Variants in GPR89A observed in about 807,000 individuals in gnomAD.
The protein encoded by GPR89A is G protein-coupled receptor 89A.
In GPR89A, 16 loss-of-function variants were observed where a neutral mutation model predicts 52.0. The observed-to-expected ratio is 0.31, with a 90% CI of 0.21 to 0.47. GPR89A has a LOEUF of 0.47. GPR89A is among the 20% of genes least tolerant of loss of function. The pLI is 1.00. For synonymous variants in GPR89A, 55 were observed against 150.9 expected (o/e 0.36, Z 4.66); for missense variants, 135 against 449.4 (o/e 0.30, Z 6.33).
intron 10 of GPR89A, among the ~76,000 whole-genome samples, chr1:145,662,019 T>C (rs201890879): frequency 2.5e-4 from 38 of 151,258 alleles, no homozygotes; most frequent in East Asian, 8.0e-4. Flanking sequence ...ATCTTTTAAA[T>C]TATTGACTTG....
intron 10 of GPR89A, among the ~76,000 whole-genome samples, chr1:145,647,871 CTCTCTCTCTATATATATATA>C (rs1651148539): frequency 1.4e-3 from 127 of 88,404 alleles, no homozygotes; most frequent in Non-Finnish European, 2.5e-3. Flanking sequence ...CTCTCTCTCT[CTCTCTCTCTATATATATATA>C]TATATATATA....
intron 10 of GPR89A, among the ~76,000 whole-genome samples, chr1:145,647,921 C>T (rs1297058563): frequency 4.4e-5 from 5 of 113,296 alleles, no homozygotes; most frequent in Non-Finnish European, 8.9e-5. Context: ...AGAATGTGAA[C>T]ATTTCTTATT....
intron 10 of GPR89A, among the ~76,000 whole-genome samples, chr1:145,648,054 CAATA>C (rs1179651758): frequency 7.0e-6 from 1 of 142,196 alleles, no homozygotes; most frequent in African/African-American, 2.6e-5. Flanking sequence ...ATTAAGTTCA[CAATA>C]AATTCTAAAA....
intron 10 of GPR89A, among the ~76,000 whole-genome samples, chr1:145,662,206 T>C (rs1652250058): frequency 6.6e-6 from 1 of 152,166 alleles, no homozygotes; most frequent in Admixed American, 6.6e-5. Context: ...ATCCAGCTAT[T>C]GTGGATTTGT....
chr1:145,660,877 C>G (rs1652146293), intron 10 of GPR89A, among the ~76,000 whole-genome samples: 1 of 151,528 alleles, frequency 6.6e-6, no homozygotes, highest in Non-Finnish European at 1.5e-5. Flanking sequence ...ACTAGTTCAA[C>G]CCTTGTGGAA....
rs201192903 is a variant in GPR89A at position 145,623,159 on chromosome 1, A to G, written c.312A>G (p.Leu104=). 5 of 1,613,082 alleles carry G rather than the reference A, an allele frequency of 3.1e-6. No homozygotes were observed. Among genetic ancestry groups the G allele is most frequent in the Non-Finnish European group, 4.2e-6 (5 of 1,179,404 alleles). ...IGYFIVSNIR[L]LHKQRLLFSC... ...ATTTTATTGTGAGCAATATCCGACT[A>G]CGTAAGTATTTTACCCTCTCAGTCA... Residue 104 remains leucine (L), a splice_region_variant and synonymous_variant, in exon 4 of 14, where the codon CTA becomes CTG. Transcript: ENST00000313835.
At chr1:145,655,265 G>C in intron 10 of GPR89A, among the ~76,000 whole-genome samples, 1 of 152,266 alleles carries the variant, frequency 6.6e-6, no homozygotes, top group Non-Finnish European at 1.5e-5. Flanking sequence ...AGCAATGTTT[G>C]TTACTGCCCA....
rs1460295591 is a variant in GPR89A, at chr1:145,608,159, T to C, written c.26T>C (p.Ile9Thr). ...ATGAGTTTCCTCATCGACTCCAGCA[T>C]CATGATTACCTCCCAGGTGAGTCAC... MSFLIDSSIMITSQILFFG... is the reference protein window; with the variant it reads MSFLIDSSTMITSQILFFG... Residue 9 changes from isoleucine (I) to threonine (T), a missense_variant, in exon 1 of 14, where the codon ATC (isoleucine) becomes ACC (threonine). Physicochemically the swap from Ile to Thr is moderately conservative, Grantham distance 89. This residue lies in a region of GPR89A where 38 missense variants were observed against 40.2 expected (regional missense o/e 0.95). Transcript: ENST00000313835. The C allele has an allele frequency of 5.6e-6, 9 of 1,613,636 alleles. No homozygotes were observed. The highest frequency in any genetic ancestry group is 7.6e-6 in the Non-Finnish European group (9 of 1,179,836).
chr1:145,629,378 A>G (rs1649741080), intron 5 of GPR89A, among the ~76,000 whole-genome samples: 1 of 151,916 alleles, frequency 6.6e-6, no homozygotes, highest in Non-Finnish European at 1.5e-5. Context: ...TGTAGAGTGA[A>G]GGTAGTTTAT....
intron 10 of GPR89A, among the ~76,000 whole-genome samples, chr1:145,657,959 T>G (rs1449551649): frequency 6.6e-6 from 1 of 151,920 alleles, no homozygotes; most frequent in African/African-American, 2.4e-5. Context: ...AATCAATTTT[T>G]GAACATTTTT....
intron 1 of GPR89A, among the ~76,000 whole-genome samples, chr1:145,614,837 C>CG (rs1648549839): frequency 6.6e-6 from 1 of 151,998 alleles, no homozygotes; most frequent in Non-Finnish European, 1.5e-5. Context: ...AGGACATCTA[C>CG]ACAGGTCTCG....
chr1:145,647,869 CTCTCTCTCTCTATA>C (rs1651146682), intron 10 of GPR89A, among the ~76,000 whole-genome samples: 14 of 88,426 alleles, frequency 1.6e-4, no homozygotes, highest in African/African-American at 5.5e-4. Flanking sequence ...CTCTCTCTCT[CTCTCTCTCTCTATA>C]TATATATATA....
rs587661716 is a variant in GPR89A at position 145,645,073 on chromosome 1, G to T, written c.727+1095G>T. The T allele has an allele frequency of 1.6e-3, 252 of 154,098 alleles. 2 individuals are homozygous for T. Among genetic ancestry groups the T allele is most frequent in the Non-Finnish European group, 2.7e-3 (190 of 69,260 alleles). The allele number at this position is 154,098 out of a possible 1,614,324, so 9.5% of individuals were successfully genotyped here. A position where few individuals can be genotyped will look rare whatever the true frequency, so the allele number is the denominator to read the frequency against. ...GATGATTGTGGAAGAGAAAGAAAAA[G>T]GATTAATTTAGATTTATTTAACCAA... is the stretch of plus-strand genomic sequence containing the variant. On this transcript the variant is annotated intron_variant, in intron 8 of 13. Coordinates refer to ENST00000313835, the MANE Select transcript of GPR89A (RefSeq NM_001097612.2).
intron 9 of GPR89A, 129 bp downstream of exon 9, chr1:145,646,401 G>A: frequency 1.5e-6 from 1 of 685,138 alleles, no homozygotes; most frequent in South Asian, 2.0e-5. Flanking sequence ...CAGCCATGAA[G>A]CATTAGGGAT....
chr1:145,635,595 T>G (rs1185891066), intron 7 of GPR89A, among the ~76,000 whole-genome samples: 1 of 152,216 alleles, frequency 6.6e-6, no homozygotes, highest in Non-Finnish European at 1.5e-5. Context: ...TATTCAAAAG[T>G]GAAAGATTTA....
intron 7 of GPR89A, among the ~76,000 whole-genome samples, chr1:145,639,944 G>A (rs187328694): frequency 2.3e-4 from 35 of 152,124 alleles, no homozygotes; most frequent in Admixed American, 8.5e-4. Context: ...CACGCCGGGC[G>A]TGGTGGCTCA....
At position 145,665,329 on chromosome 1, in the gene GPR89A, A is replaced by AT. The variant is rs1400204851; in HGVS notation, c.1006-226dup. ...AAGACCCTGGCTCTACAAAAAAAAT[A>AT]TTTTTTTAATTTTAAGGTTTAATTA... On this transcript the variant is annotated intron_variant, in intron 11 of 13. Coordinates refer to ENST00000313835, the MANE Select transcript of GPR89A (RefSeq NM_001097612.2). 5.3e-5 allele frequency among the ~76,000 whole-genome samples: 8 copies of AT among 151,694 alleles called. No homozygotes were observed. In the South Asian group the frequency reaches 1.2e-3, roughly 24 times the overall value.
At chr1:145,648,017 C>CT (rs1389171956) in intron 10 of GPR89A, among the ~76,000 whole-genome samples, 3 of 140,368 alleles carry the variant, frequency 2.1e-5, no homozygotes, top group Middle Eastern at 6.7e-3. Flanking sequence ...GTTACTTGTC[C>CT]TTTTTAATTA....
At position 145,608,003 on chromosome 1, in the gene GPR89A, C is replaced by G. The variant is rs1233758021; in HGVS notation, c.-131C>G. The G allele has an allele frequency of 1.3e-5, 13 of 1,023,262 alleles. No individual in the cohort carries two copies. The East Asian group carries it at 1.8e-4, about 14-fold the overall frequency. 63.4% of individuals were successfully genotyped at this position (1,023,262 alleles called of 1,614,324 possible). A position where few individuals can be genotyped will look rare whatever the true frequency, so the allele number is the denominator to read the frequency against. On this transcript the variant is annotated 5_prime_UTR_variant, in exon 1 of 14. Coordinates refer to ENST00000313835, the MANE Select transcript of GPR89A (RefSeq NM_001097612.2). Reference sequence around the variant, plus strand: ...TGACTGGGGCGCAGCTTGATGGCGTCGGGCTGGAGAGCCGCAGTCCCGGCT... The same window carrying G: ...TGACTGGGGCGCAGCTTGATGGCGTGGGGCTGGAGAGCCGCAGTCCCGGCT...
Sources: gnomAD v4.1 joint callset for allele counts (sites outside exome capture counted in the v4.1 genomes callset) on GRCh38, gnomAD v4.1.1 for gene constraint, gnomAD v4.1.1 regional missense constraint, MANE v1.5 for transcripts, NCBI Gene and HGNC (gene_info 2026-07-23, HGNC 2026-07-21) for gene names.